FARS2: variants seen among roughly 807,000 people sequenced by gnomAD.
The protein encoded by FARS2 is phenylalanyl-tRNA synthetase 2, mitochondrial.
Under a neutral mutation model 46.4 loss-of-function variants are expected in FARS2, and 40 were observed. That is an observed-to-expected ratio of 0.86 (90% confidence interval 0.67 to 1.12). The LOEUF is 1.12. Among genes scored for constraint, FARS2 ranks in the 50% most tolerant of loss-of-function variants. FARS2 has a pLI of 0.00. For missense variants in FARS2, 513 were observed against 567.9 expected, an observed-to-expected ratio of 0.90 and a Z score of 0.98; for synonymous variants, 234 against 214.9, an observed-to-expected ratio of 1.09 and a Z score of -0.78.
intron 6 of FARS2, among the ~76,000 whole-genome samples, chr6:5,720,299 G>T (rs75175678): frequency 6.6e-6 from 1 of 152,210 alleles, no homozygotes; most frequent in East Asian, 1.9e-4. Flanking sequence ...CTTGCCATTG[G>T]GTCTTCATCT....
intron 4 of FARS2, among the ~76,000 whole-genome samples, chr6:5,499,795 A>AT (rs1767682981): frequency 6.6e-6 from 1 of 152,232 alleles, no homozygotes; most frequent in East Asian, 1.9e-4. Flanking sequence ...TGATGAGATC[A>AT]TAAGTCGTTC....
Position 5,694,447 on chromosome 6 carries a change from C to G in FARS2, c.1218-76844C>G, listed in dbSNP as rs115502602. On this transcript the variant is annotated intron_variant, in intron 6 of 6. Transcript: ENST00000274680. The stretch of plus-strand genomic sequence containing the variant: ...AAATTATGGGGAAAGTAGATTCCTT[C>G]ATATAAGAATTGGTTAAAGTTTGAC... 6.9e-3 allele frequency among the ~76,000 whole-genome samples: 1,055 copies of G among 152,292 alleles called. 11 individuals are homozygous for G. Among genetic ancestry groups the G allele is most frequent in the African/African-American group, 0.024 (1,017 of 41,550 alleles).
At chr6:5,600,408 C>A (rs1774443921) in intron 5 of FARS2, among the ~76,000 whole-genome samples, 1 of 152,004 alleles carries the variant, frequency 6.6e-6, no homozygotes, top group Non-Finnish European at 1.5e-5. Flanking sequence ...GCTCCTGGTA[C>A]TCAGTGAAAG....
upstream of FARS2, chr6:5,260,764 C>T (rs1765039700): frequency 6.5e-7 from 1 of 1,539,080 alleles, no homozygotes; most frequent in Non-Finnish European, 8.7e-7. Flanking sequence ...AACGGGTCCT[C>T]TTCGCCGAGG....
chr6:5,671,535 G>A (rs1778460217), intron 6 of FARS2, among the ~76,000 whole-genome samples: 1 of 152,186 alleles, frequency 6.6e-6, no homozygotes, highest in Admixed American at 6.5e-5. Flanking sequence ...ATCAGCAGAT[G>A]GTGAGGCTCC....
intron 6 of FARS2, among the ~76,000 whole-genome samples, chr6:5,753,271 C>G (rs946110488): frequency 4.6e-5 from 7 of 152,078 alleles, no homozygotes; most frequent in African/African-American, 1.2e-4. Flanking sequence ...CTTTGGACAT[C>G]AATTTATTTG....
chr6:5,425,468 A>G (rs1339745880), intron 3 of FARS2, among the ~76,000 whole-genome samples: 1 of 152,226 alleles, frequency 6.6e-6, no homozygotes, highest in Non-Finnish European at 1.5e-5. Context: ...AGTATGTCAG[A>G]CAGAGTGCTC....
At chr6:5,558,953 C>T (rs540533627) in intron 5 of FARS2, among the ~76,000 whole-genome samples, 12 of 152,028 alleles carry the variant, frequency 7.9e-5, no homozygotes, top group African/African-American at 2.7e-4. Context: ...ATTTGAGAAG[C>T]GATTTTGCAT....
chr6:5,564,261 T>C (rs550936628), intron 5 of FARS2, among the ~76,000 whole-genome samples: 105 of 152,314 alleles, frequency 6.9e-4, no homozygotes, highest in Admixed American at 2.1e-3. Flanking sequence ...AGATATAGAA[T>C]TCTCCTTTGG....
At chr6:5,650,331 A>G (rs907563186) in intron 6 of FARS2, among the ~76,000 whole-genome samples, 2 of 149,526 alleles carry the variant, frequency 1.3e-5, no homozygotes, top group Middle Eastern at 3.5e-3. Context: ...ATATATGTAC[A>G]TCATGGAAGA....
intron 6 of FARS2, among the ~76,000 whole-genome samples, chr6:5,698,520 C>T (rs1467532443): frequency 1.3e-5 from 2 of 152,176 alleles, no homozygotes; most frequent in East Asian, 3.9e-4. Flanking sequence ...GGAAAGCTTC[C>T]GGAGCTGAGG....
At chr6:5,257,602 C>A (rs749907964), upstream of FARS2, among the ~76,000 whole-genome samples, 3 of 152,134 alleles carry the variant, frequency 2.0e-5, no homozygotes, top group African/African-American at 7.2e-5. Context: ...TGGGTGAGTG[C>A]GCATTATGGC....
At chr6:5,392,925 C>CATATGTGTGTTTATATATTAT (rs1554175098) in intron 2 of FARS2, among the ~76,000 whole-genome samples, 1 of 91,636 alleles carries the variant, frequency 1.1e-5, no homozygotes, top group African/African-American at 4.3e-5. Flanking sequence ...TGTATATATA[C>CATATGTGTGTTTATATATTAT]ATATATGTGT....
chr6:5,534,827 G>T (rs371668320), intron 4 of FARS2, among the ~76,000 whole-genome samples: 1 of 133,560 alleles, frequency 7.5e-6, no homozygotes, highest in African/African-American at 2.7e-5. Context: ...ACACATGCAC[G>T]CACACACACG....
intron 6 of FARS2, among the ~76,000 whole-genome samples, chr6:5,615,104 T>C (rs955380692): frequency 1.3e-5 from 2 of 152,234 alleles, no homozygotes; most frequent in African/African-American, 4.8e-5. Context: ...CTTTTCTCCC[T>C]AGTATATATC....
chr6:5,387,400 A>G (rs527656858), intron 2 of FARS2, among the ~76,000 whole-genome samples: 17 of 152,230 alleles, frequency 1.1e-4, no homozygotes, highest in Non-Finnish European at 2.4e-4. Context: ...ATGTTTATGA[A>G]TGGGAATACA....
intron 5 of FARS2, among the ~76,000 whole-genome samples, chr6:5,592,042 C>T (rs533193156): frequency 2.6e-5 from 4 of 152,282 alleles, no homozygotes; most frequent in African/African-American, 9.6e-5. Flanking sequence ...GCAGACAATA[C>T]ATTTTGTAGA....
At chr6:5,479,594 A>G (rs2150339090) in intron 4 of FARS2, among the ~76,000 whole-genome samples, 1 of 152,306 alleles carries the variant, frequency 6.6e-6, no homozygotes, top group East Asian at 1.9e-4. Flanking sequence ...CTTTTACATT[A>G]TATATCCACA....
At chr6:5,289,893 TTAGGTTCCC>T (rs1334425545) in intron 1 of FARS2, among the ~76,000 whole-genome samples, 1 of 152,220 alleles carries the variant, frequency 6.6e-6, no homozygotes, top group African/African-American at 2.4e-5. Flanking sequence ...TGAATTGGCC[TTAGGTTCCC>T]TGCCTCCAAA....
Sources: allele counts gnomAD v4.1 joint callset (sites outside exome capture counted in the v4.1 genomes callset), GRCh38; gene constraint gnomAD v4.1.1; transcripts MANE v1.5; gene names NCBI Gene and HGNC (gene_info 2026-07-23, HGNC 2026-07-21).